Variants in TRMT11 observed in about 807,000 individuals in gnomAD.
TRMT11 encodes the protein tRNA methyltransferase 11, also known as tRNA (guanine(10)-N(2))-methyltransferase TRMT11.
Under a neutral mutation model 62.8 loss-of-function variants are expected in TRMT11, and 53 were observed. The ratio of observed to expected loss-of-function variants is 0.84; its 90% CI spans 0.68 to 1.06. The LOEUF is 1.06. TRMT11 is among the 50% of genes least tolerant of loss of function. The pLI, the probability that TRMT11 is intolerant of heterozygous loss-of-function variation, is 0.00. For missense variants in TRMT11, 556 were observed against 553.4 expected (o/e 1.00, Z -0.05); for synonymous variants, 188 against 190.3 (o/e 0.99, Z 0.10).
Position 126,013,152 on chromosome 6 carries a change from G to T in TRMT11, c.1139+51G>T, listed in dbSNP as rs199747953. 20 of 1,508,830 alleles carry T rather than the reference G, an allele frequency of 1.3e-5. No homozygotes were observed. In the South Asian group the frequency reaches 2.4e-4, roughly 18 times the overall value. 93.5% of individuals were successfully genotyped at this position (1,508,830 alleles called of 1,614,324 possible). A position where few individuals can be genotyped will look rare whatever the true frequency, so the allele number is the denominator to read the frequency against. On this transcript the variant is annotated intron_variant, in intron 11 of 12. Transcript: ENST00000334379. ...ATTTCATTTTTCTTACAATGTTTGC[G>T]TATCTAGTATAATTTTCTCTTTATC... is the stretch of plus-strand genomic sequence containing the variant.
chr6:126,075,731 C>G (rs1777003113), intron 17 of TRMT11, among the ~76,000 whole-genome samples: 1 of 152,144 alleles, frequency 6.6e-6, no homozygotes, highest in African/African-American at 2.4e-5. Context: ...GTAATTACCT[C>G]TAGCTGCTGC....
At chr6:126,193,864 G>C (rs191632436) in intron 1 of TRMT11, among the ~76,000 whole-genome samples, 1 of 151,980 alleles carries the variant, frequency 6.6e-6, no homozygotes, top group Non-Finnish European at 1.5e-5. Context: ...TCATGGTACA[G>C]TATGTTGTGT....
At chr6:126,160,038 C>T (rs1218428899) in intron 21 of TRMT11, among the ~76,000 whole-genome samples, 2 of 152,144 alleles carry the variant, frequency 1.3e-5, no homozygotes, top group African/African-American at 4.8e-5. Context: ...CATACTCTTC[C>T]CTCACTTCTG....
intron 21 of TRMT11, among the ~76,000 whole-genome samples, chr6:126,129,769 A>T (rs1777759844): frequency 6.6e-6 from 1 of 152,096 alleles, no homozygotes; most frequent in African/African-American, 2.4e-5. Flanking sequence ...CATTATATAA[A>T]ATTGTATTTC....
In TRMT11 at chr6:126,012,828, A is replaced by AG. The variant is rs776662321; in HGVS notation, c.987dup (p.Ile330AspfsTer22). 2 of 1,613,844 alleles carry AG rather than the reference A, an allele frequency of 1.2e-6. No individual in the cohort carries two copies. Among genetic ancestry groups the AG allele is most frequent in the South Asian group, 2.2e-5 (2 of 91,072 alleles). On this transcript the variant is annotated frameshift_variant, in exon 10 of 13. Coordinates refer to ENST00000334379, the MANE Select transcript of TRMT11 (RefSeq NM_001031712.3). LOFTEE classifies it high-confidence loss of function. The stretch of plus-strand genomic sequence containing the variant: ...ACAGGTTCACAGAAGGAGATACCAA[A>AG]GGGGATAGAAAAATGGGAAAAATGG...
At chr6:126,146,587 G>A (rs985918047) in intron 21 of TRMT11, among the ~76,000 whole-genome samples, 5 of 150,846 alleles carry the variant, frequency 3.3e-5, no homozygotes, top group African/African-American at 4.9e-5. Flanking sequence ...GCGTGATCTC[G>A]GCTCACTGCA....
the TRMT11 span, among the ~76,000 whole-genome samples, chr6:126,253,889 TATCTTCATAGACTGGTCAAGCAGC>T: frequency 1.3e-5 from 2 of 152,208 alleles, no homozygotes; most frequent in Admixed American, 6.5e-5. Flanking sequence ...TCCATTTATG[TATCTTCATAGACTGGTCAAGCAGC>T]ATCTTCATAG....
intron 21 of TRMT11, among the ~76,000 whole-genome samples, chr6:126,138,164 C>A (rs1435362424): frequency 2.0e-5 from 3 of 151,814 alleles, no homozygotes; most frequent in Admixed American, 1.3e-4. Flanking sequence ...ATGAATAGTT[C>A]AATTACTCTG....
chr6:126,072,262 T>A (rs1776880529), intron 17 of TRMT11, among the ~76,000 whole-genome samples: 1 of 152,220 alleles, frequency 6.6e-6, no homozygotes, highest in South Asian at 2.1e-4. Flanking sequence ...GAACTAATGC[T>A]GCCCTTTAGC....
intron 8 of TRMT11, chr6:126,009,482 A>G (rs1040190174): frequency 7.2e-5 from 11 of 152,016 alleles, no homozygotes; most frequent in African/African-American, 2.2e-4. Context: ...ATTTGTGTTT[A>G]TGTTGGTATT....
the TRMT11 span, among the ~76,000 whole-genome samples, chr6:126,222,561 AGGTATTT>A: frequency 2.2e-3 from 328 of 151,686 alleles, no homozygotes; most frequent in African/African-American, 7.5e-3. Flanking sequence ...CTGCATTCCT[AGGTATTT>A]TATTCTTTTT....
chr6:126,237,259 A>G, the TRMT11 span, among the ~76,000 whole-genome samples: 1,233 of 152,304 alleles, frequency 8.1e-3, 12 homozygotes, highest in African/African-American at 0.027. Flanking sequence ...GGAAACAGGG[A>G]AAAAGACTCT....
chr6:126,236,600 A>G, the TRMT11 span, among the ~76,000 whole-genome samples: 1 of 152,210 alleles, frequency 6.6e-6, no homozygotes, highest in Non-Finnish European at 1.5e-5. Context: ...TTCCATCCAG[A>G]TAGTTGGATA....
In TRMT11 at chr6:125,999,461, C is replaced by T. The variant is rs1792121391; in HGVS notation, c.527C>T (p.Ala176Val). ...TAAGAAATATCTCTGATTTAGATTG[C>T]AGATGGACAGAGAGAGCTTATTGAG... ...PHNIYFGRWI[A>V]DGQRELIESY... The change falls in exon 7 of 13, where the codon GCA becomes GTA. Residue 176 changes from alanine (A) to valine (V), a missense_variant. Coordinates refer to ENST00000334379, the MANE Select transcript of TRMT11 (RefSeq NM_001031712.3). 4 of 1,594,228 alleles carry T rather than the reference C, an allele frequency of 2.5e-6. No individual in the cohort carries two copies. Among genetic ancestry groups the T allele is most frequent in the Non-Finnish European group, 3.4e-6 (4 of 1,170,994 alleles).
intron 17 of TRMT11, among the ~76,000 whole-genome samples, chr6:126,100,684 C>T (rs1777388695): frequency 6.6e-6 from 1 of 152,126 alleles, no homozygotes. Flanking sequence ...CACCAGGGGC[C>T]AGTTTTGTGG....
chr6:126,052,155 G>A (rs1241166863), intron 16 of TRMT11, among the ~76,000 whole-genome samples: 1 of 152,206 alleles, frequency 6.6e-6, no homozygotes, highest in Non-Finnish European at 1.5e-5. Context: ...GGCTTTGGGT[G>A]ATGTGCTTCT....
intron 17 of TRMT11, among the ~76,000 whole-genome samples, chr6:126,111,659 C>T (rs1444241745): frequency 2.0e-5 from 3 of 152,042 alleles, no homozygotes; most frequent in African/African-American, 7.2e-5. Context: ...TCACACAGGA[C>T]ATGTACCATC....
At chr6:126,084,849 A>G (rs1255649092) in intron 17 of TRMT11, among the ~76,000 whole-genome samples, 1 of 152,198 alleles carries the variant, frequency 6.6e-6, no homozygotes, top group Non-Finnish European at 1.5e-5. Flanking sequence ...AAAGACAAAC[A>G]TTGCATGATC....
chr6:126,055,766 C>A (rs188997798), intron 17 of TRMT11, among the ~76,000 whole-genome samples: 2 of 152,230 alleles, frequency 1.3e-5, no homozygotes, highest in Admixed American at 6.5e-5. Context: ...CTACAGCCAT[C>A]TTTTTCATGC....
Sources: allele counts gnomAD v4.1 joint callset (sites outside exome capture counted in the v4.1 genomes callset), GRCh38; gene constraint gnomAD v4.1.1; transcripts MANE v1.5; gene names NCBI Gene and HGNC (gene_info 2026-07-23, HGNC 2026-07-21).